Variants in HECW1 observed in about 807,000 individuals in gnomAD.
HECW1 encodes the protein E3 ubiquitin-protein ligase HECW1.
Under a neutral mutation model 182.3 loss-of-function variants are expected in HECW1, and 61 were observed. The ratio of observed to expected loss-of-function variants is 0.33; its 90% CI spans 0.27 to 0.41. The LOEUF (loss-of-function observed/expected upper bound fraction) is 0.41. Among genes scored for constraint, HECW1 ranks in the 10% least tolerant of loss-of-function variants. HECW1 has a pLI of 1.00. For missense variants in HECW1, 1,739 were observed against 2,108.9 expected (o/e 0.82, Z 3.44); for synonymous variants, 859 against 832.6 (o/e 1.03, Z -0.55).
intron 17 of HECW1, among the ~76,000 whole-genome samples, chr7:43,486,634 A>G (rs1269637751): frequency 6.6e-6 from 1 of 152,190 alleles, no homozygotes; most frequent in African/African-American, 2.4e-5. Context: ...TACACCTGAC[A>G]TTGTGACAGC....
intron 2 of HECW1, among the ~76,000 whole-genome samples, chr7:43,181,216 A>T (rs762383824): frequency 6.6e-6 from 1 of 150,860 alleles, no homozygotes; most frequent in Non-Finnish European, 1.5e-5. Context: ...TTCATTGTGT[A>T]TATATACCAT....
At chr7:43,434,136 A>C (rs1191586116) in intron 8 of HECW1, among the ~76,000 whole-genome samples, 1 of 152,090 alleles carries the variant, frequency 6.6e-6, no homozygotes, top group African/African-American at 2.4e-5. Flanking sequence ...GTGCCTTAGT[A>C]ATAGGACAAT....
intron 2 of HECW1, chr7:43,194,421 T>C (rs1794230326): frequency 2.0e-5 from 3 of 152,150 alleles, no homozygotes; most frequent in Non-Finnish European, 4.4e-5. Flanking sequence ...ACCATAAAGC[T>C]AGTGTTACAG....
intron 5 of HECW1, among the ~76,000 whole-genome samples, chr7:43,342,305 CCTTT>C (rs1280304896): frequency 2.0e-5 from 3 of 151,808 alleles, no homozygotes; most frequent in Non-Finnish European, 4.4e-5. Context: ...CTTCACCCTT[CCTTT>C]GTTTTGATCA....
chr7:43,437,928 C>A, intron 8 of HECW1, 75 bp from the exon 9 acceptor site: 2 of 1,464,328 alleles, frequency 1.4e-6, no homozygotes, highest in Middle Eastern at 2.0e-4. Flanking sequence ...GTGACAGCAT[C>A]AAGGCAGATG....
intron 3 of HECW1, among the ~76,000 whole-genome samples, chr7:43,275,704 G>A (rs1803034419): frequency 6.7e-6 from 1 of 148,344 alleles, no homozygotes; most frequent in Non-Finnish European, 1.5e-5. Context: ...GTTCTTATGC[G>A]CACGCACACA....
Position 43,502,161 on chromosome 7 carries a change from C to G in HECW1, c.3631+839C>G, listed in dbSNP as rs147245342. On this transcript the variant is annotated intron_variant, in intron 21 of 29. Coordinates refer to ENST00000395891, the MANE Select transcript of HECW1 (RefSeq NM_015052.5). ...AACATTCTGCCTTGTGACTCTGAATCGATTGCACACCACTTTTGGTGATAC... is the reference window on the plus strand; with the variant it reads ...AACATTCTGCCTTGTGACTCTGAATGGATTGCACACCACTTTTGGTGATAC... Among the ~76,000 whole-genome samples the G allele has an allele frequency of 7.0e-3, 1,068 of 152,266 alleles. 13 individuals carry two copies. The highest frequency in any genetic ancestry group is 0.023 in the African/African-American group (976 of 41,542).
At chr7:43,467,532 G>A (rs1258334776) in intron 15 of HECW1, among the ~76,000 whole-genome samples, 5 of 152,142 alleles carry the variant, frequency 3.3e-5, no homozygotes, top group Non-Finnish European at 5.9e-5. Context: ...GGAACCAAGA[G>A]TAGCACTTGG....
At chr7:43,336,076 CCTTTCTTTCTTTCT>C (rs764415797) in intron 5 of HECW1, among the ~76,000 whole-genome samples, 26 of 140,162 alleles carry the variant, frequency 1.9e-4, no homozygotes, top group Middle Eastern at 3.8e-3. Context: ...TCTTCCCCTC[CCTTTCTTTCTTTCT>C]CTTTCTTTCT....
chr7:43,509,032 T>C lies in HECW1; in HGVS notation c.3930T>C (p.Pro1310=), dbSNP rs768005990. Residue 1310 remains proline, a synonymous_variant, in exon 24 of 30, where the codon CCT becomes CCC. Transcript: ENST00000395891. ...TTCTGTCTCAGGAGCTCTTCAACCCTTACTATGGACTCTTTGAGTACTCGG... is the reference window on the plus strand; with the variant it reads ...TTCTGTCTCAGGAGCTCTTCAACCCCTACTATGGACTCTTTGAGTACTCGG... The part of the protein sequence containing the change: ...FFLLSQELFN[P]YYGLFEYSAN... 4.3e-6 allele frequency: 7 copies of C among 1,614,164 alleles called. No individual in the cohort carries two copies. In the South Asian group the frequency reaches 7.7e-5, roughly 18 times the overall value.
At chr7:43,256,857 A>G (rs556817912) in intron 3 of HECW1, among the ~76,000 whole-genome samples, 23 of 152,198 alleles carry the variant, frequency 1.5e-4, no homozygotes, top group Non-Finnish European at 2.9e-4. Context: ...AAAAAGAAAG[A>G]AAGTAAGGTA....
At chr7:43,216,436 A>T (rs1187891186) in intron 2 of HECW1, among the ~76,000 whole-genome samples, 1 of 151,872 alleles carries the variant, frequency 6.6e-6, no homozygotes, top group African/African-American at 2.4e-5. Context: ...GTGCCACCGC[A>T]TGCCAGCCGA....
rs147100892 is a variant in HECW1, at chr7:43,155,940, A to G, written c.-32+41549A>G. On this transcript the variant is annotated intron_variant, in intron 2 of 29. Coordinates refer to ENST00000395891, the MANE Select transcript of HECW1 (RefSeq NM_015052.5). ...ATGGACAGAACCACTTAGACTGGCA[A>G]CAGTCTACATTTCACTAGTGTCTTT... 6.8e-3 allele frequency among the ~76,000 whole-genome samples: 1,040 copies of G among 152,342 alleles called. 13 individuals carry two copies. Among genetic ancestry groups the G allele is most frequent in the South Asian group, 0.012 (60 of 4,822 alleles).
rs1046251569 is a variant in HECW1 at position 43,186,098 on chromosome 7, C to T, written c.-31-57777C>T. Among the ~76,000 whole-genome samples, 5 of 152,232 alleles carry T rather than the reference C, an allele frequency of 3.3e-5. No homozygotes were observed. The South Asian group carries it at 1.0e-3, about 32-fold the overall frequency. On this transcript the variant is annotated intron_variant, in intron 2 of 29. Coordinates refer to ENST00000395891, the MANE Select transcript of HECW1 (RefSeq NM_015052.5). The stretch of plus-strand genomic sequence containing the variant: ...GCTCAAAGATCAAGAGCAAGATAAT[C>T]GTCATAGAGCTTCTTTGGGAATTTC...
At chr7:43,371,558 A>C (rs2074103364) in intron 6 of HECW1, among the ~76,000 whole-genome samples, 1 of 151,776 alleles carries the variant, frequency 6.6e-6, no homozygotes, top group Admixed American at 6.6e-5. Context: ...TGAAAGAAGC[A>C]TGTGTACACT....
At chr7:43,179,968 T>C (rs10464374) in intron 2 of HECW1, among the ~76,000 whole-genome samples, 23 of 152,286 alleles carry the variant, frequency 1.5e-4, no homozygotes, top group Admixed American at 1.4e-3. Context: ...GCTTTATCTG[T>C]GGAGGGTAAA....
chr7:43,141,740 C>T (rs1017346280), intron 2 of HECW1, among the ~76,000 whole-genome samples: 8 of 152,228 alleles, frequency 5.3e-5, no homozygotes, highest in South Asian at 2.1e-4. Context: ...TCAGGTGATC[C>T]GCCAGCCTCG....
chr7:43,467,028 G>A (rs1448518507), intron 15 of HECW1, among the ~76,000 whole-genome samples: 1 of 152,164 alleles, frequency 6.6e-6, no homozygotes, highest in African/African-American at 2.4e-5. Flanking sequence ...TTTTACATAT[G>A]TAGTTTTTTC....
chr7:43,334,187 G>C (rs865784932), intron 5 of HECW1, among the ~76,000 whole-genome samples: 2 of 152,098 alleles, frequency 1.3e-5, no homozygotes, highest in Non-Finnish European at 2.9e-5. Context: ...GAGTACTTTC[G>C]CAGCTTCTGT....
Sources: gnomAD v4.1 joint callset for allele counts (sites outside exome capture counted in the v4.1 genomes callset) on GRCh38, gnomAD v4.1.1 for gene constraint, MANE v1.5 for transcripts, NCBI Gene and HGNC (gene_info 2026-07-23, HGNC 2026-07-21) for gene names.